The following AIG1 variants were observed in gnomAD, a reference collection of about 807,000 sequenced individuals.
AIG1 encodes androgen-induced gene 1 protein.
In AIG1, 23 loss-of-function variants were observed where a neutral mutation model predicts 31.4. The observed-to-expected ratio is 0.73, with a 90% confidence interval of 0.53 to 1.04. AIG1 has a LOEUF of 1.04. AIG1 is among the 50% of genes least tolerant of loss of function. The pLI is 0.00. For synonymous variants in AIG1, 100 were observed against 110.5 expected, an observed-to-expected ratio of 0.90 and a Z score of 0.60; for missense variants, 274 against 295.0, an observed-to-expected ratio of 0.93 and a Z score of 0.52.
intron 3 of AIG1, among the ~76,000 whole-genome samples, chr6:143,217,682 T>C (rs1256128819): frequency 6.6e-6 from 1 of 152,102 alleles, no homozygotes; most frequent in Non-Finnish European, 1.5e-5. Context: ...CTAAGTTTTG[T>C]ATTTTTAGTA....
At position 143,330,048 on chromosome 6, in the gene AIG1, G is replaced by A. The variant is rs937037338; in HGVS notation, c.516-3234G>A. ...AAAATTCATAAGTTATTGGCGAAGT[G>A]CCTGCCATATAGTAATGGCTCAATA... On this transcript the variant is annotated intron_variant, in intron 4 of 5. Coordinates refer to ENST00000357847, the MANE Select transcript of AIG1 (RefSeq NM_016108.4). The surrounding 1 kb of genome is among the most constrained non-coding windows in gnomAD (Gnocchi z 4.4). Among the ~76,000 whole-genome samples, 1 of 152,046 alleles carries A rather than the reference G, an allele frequency of 6.6e-6. No homozygotes were observed. The highest frequency in any genetic ancestry group is 2.4e-5 in the African/African-American group (1 of 41,378).
At chr6:143,239,649 C>T (rs1320822720) in intron 3 of AIG1, among the ~76,000 whole-genome samples, 5 of 152,222 alleles carry the variant, frequency 3.3e-5, no homozygotes, top group Non-Finnish European at 7.3e-5. Context: ...AAACTTCTCC[C>T]CCTTCACATT....
chr6:143,333,179 G>A lies in AIG1; in HGVS notation c.516-103G>A. 1 of 1,181,242 alleles carries A rather than the reference G, an allele frequency of 8.5e-7. No homozygotes were observed. Among genetic ancestry groups the A allele is most frequent in the Non-Finnish European group, 1.1e-6 (1 of 885,844 alleles). 73.2% of individuals were successfully genotyped at this position (1,181,242 alleles called of 1,614,324 possible). A position where few individuals can be genotyped will look rare whatever the true frequency, so the allele number is the denominator to read the frequency against. Reference sequence around the variant, plus strand: ...AGCGAACTTGAGACTGGCAAATGCTGAAGCATGGGGAGAGTGAGGGAGTGT... The same window carrying A: ...AGCGAACTTGAGACTGGCAAATGCTAAAGCATGGGGAGAGTGAGGGAGTGT... On this transcript the variant is annotated intron_variant, in intron 4 of 5. Transcript: ENST00000357847. This position sits in a 1 kb window ranked among gnomAD's most constrained non-coding sequence, Gnocchi z 4.6.
At chr6:143,176,442 G>T (rs1214982285) in intron 3 of AIG1, among the ~76,000 whole-genome samples, 1 of 152,304 alleles carries the variant, frequency 6.6e-6, no homozygotes, top group Admixed American at 6.5e-5. Context: ...GGGCTTCCAG[G>T]ACGGGTAGAG....
intron 4 of AIG1, among the ~76,000 whole-genome samples, chr6:143,303,343 G>A (rs1798974206): frequency 6.6e-6 from 1 of 151,898 alleles, no homozygotes; most frequent in African/African-American, 2.4e-5. Context: ...TTCTTCTAGG[G>A]TTTTTATGGT....
At chr6:143,188,547 G>A in intron 3 of AIG1, 1 of 985,354 alleles carries the variant, frequency 1.0e-6, no homozygotes, top group Non-Finnish European at 1.2e-6. Context: ...GTCCAAGTTT[G>A]GGGCAGTCAA....
At chr6:143,320,924 C>T (rs1457592265) in intron 4 of AIG1, among the ~76,000 whole-genome samples, 2 of 151,164 alleles carry the variant, frequency 1.3e-5, no homozygotes, top group African/African-American at 4.9e-5. Context: ...CGAGTTCAAG[C>T]GATTCTCCTG....
chr6:143,331,640 G>A lies in AIG1; in HGVS notation c.516-1642G>A, dbSNP rs1342912655. 6.6e-6 allele frequency among the ~76,000 whole-genome samples: 1 copy of A among 151,814 alleles called. No individual in the cohort carries two copies. The highest frequency in any genetic ancestry group is 2.4e-5 in the African/African-American group (1 of 41,276). On this transcript the variant is annotated intron_variant, in intron 4 of 5. Coordinates refer to ENST00000357847, the MANE Select transcript of AIG1 (RefSeq NM_016108.4). This position sits in a 1 kb window ranked among gnomAD's most constrained non-coding sequence, Gnocchi z 4.1. ...TCTATATACATATATGTACATCTGT[G>A]TGTGTGTATATATGTGTGTGTGTAT... is the stretch of plus-strand genomic sequence containing the variant.
At chr6:143,190,262 C>T in intron 3 of AIG1, 1 of 985,464 alleles carries the variant, frequency 1.0e-6, no homozygotes, top group Non-Finnish European at 1.2e-6. Flanking sequence ...TATTTAATAT[C>T]ATGGATCACA....
At chr6:143,183,886 A>T (rs1788974293) in intron 3 of AIG1, among the ~76,000 whole-genome samples, 1 of 152,250 alleles carries the variant, frequency 6.6e-6, no homozygotes, top group Non-Finnish European at 1.5e-5. Context: ...TCACTGCCAC[A>T]GACAGATCAT....
chr6:143,191,408 T>G (rs1789776637), intron 3 of AIG1, among the ~76,000 whole-genome samples: 1 of 151,978 alleles, frequency 6.6e-6, no homozygotes, highest in Non-Finnish European at 1.5e-5. Context: ...GGGACATGAG[T>G]TTTTTCTGGG....
At chr6:143,060,599 C>A, upstream of AIG1, 1 of 446,054 alleles carries the variant, frequency 2.2e-6, no homozygotes, top group Non-Finnish European at 4.7e-6. Context: ...GCCTAGGGGG[C>A]GCCTCCTGGC....
At chr6:143,100,447 G>A (rs528680692) in intron 1 of AIG1, among the ~76,000 whole-genome samples, 1 of 152,210 alleles carries the variant, frequency 6.6e-6, no homozygotes, top group East Asian at 1.9e-4. Flanking sequence ...AAAAAAAGAA[G>A]GAACTGATAT....
At chr6:143,184,872 T>C (rs904848576) in intron 3 of AIG1, among the ~76,000 whole-genome samples, 1 of 152,164 alleles carries the variant, frequency 6.6e-6, no homozygotes, top group African/African-American at 2.4e-5. Flanking sequence ...AAAGAGAAGC[T>C]AGGACAAGAG....
intron 3 of AIG1, among the ~76,000 whole-genome samples, chr6:143,167,325 ACT>A (rs1248931618): frequency 6.6e-6 from 1 of 152,194 alleles, no homozygotes; most frequent in East Asian, 1.9e-4. Flanking sequence ...CACCTAGATA[ACT>A]CTAATTAGAG....
chr6:143,207,314 A>G (rs1791190587), intron 3 of AIG1, among the ~76,000 whole-genome samples: 2 of 152,110 alleles, frequency 1.3e-5, no homozygotes, highest in South Asian at 4.1e-4. Flanking sequence ...TAAAAAGTAT[A>G]TTTTTAGTTT....
At chr6:143,095,342 A>G (rs1779658245) in intron 1 of AIG1, among the ~76,000 whole-genome samples, 1 of 152,214 alleles carries the variant, frequency 6.6e-6, no homozygotes, top group Non-Finnish European at 1.5e-5. Context: ...AGACTACTGT[A>G]TGAATTGAAA....
chr6:143,116,000 G>A (rs1199056411), intron 1 of AIG1, among the ~76,000 whole-genome samples: 1 of 152,214 alleles, frequency 6.6e-6, no homozygotes, highest in African/African-American at 2.4e-5. Flanking sequence ...GTCAGACACT[G>A]AATCAAGAGT....
intron 1 of AIG1, among the ~76,000 whole-genome samples, chr6:143,118,103 G>A (rs377516192): frequency 6.9e-4 from 105 of 152,276 alleles, no homozygotes; most frequent in African/African-American, 2.3e-3. Flanking sequence ...AAGGACAAAA[G>A]CAATGTAGGT....
Sources: allele counts gnomAD v4.1 joint callset (sites outside exome capture counted in the v4.1 genomes callset), GRCh38; gene constraint gnomAD v4.1.1; non-coding constraint Gnocchi (gnomAD v3.1); transcripts MANE v1.5; gene names NCBI Gene and HGNC (gene_info 2026-07-23, HGNC 2026-07-21).